The following ERBIN variants were observed in gnomAD, a reference collection of about 807,000 sequenced individuals.
ERBIN encodes the protein erbb2 interacting protein.
Under a neutral mutation model 158.4 loss-of-function variants are expected in ERBIN, and 60 were observed. That is an observed-to-expected ratio of 0.38 (90% CI 0.31 to 0.47). The LOEUF is 0.47. Among genes scored for constraint, ERBIN ranks in the 20% least tolerant of loss-of-function variants. The probability of loss-of-function intolerance (pLI) is 0.99; values close to 1 mark genes in which losing one functional copy is unlikely to be tolerated. For synonymous variants in ERBIN, 594 were observed against 557.2 expected (o/e 1.07, Z -0.93); for missense variants, 1,610 against 1,648.0 (o/e 0.98, Z 0.40).
At chr5:66,077,490 A>AG (rs1762098624) in intron 25 of ERBIN, among the ~76,000 whole-genome samples, 1 of 151,956 alleles carries the variant, frequency 6.6e-6, no homozygotes, top group African/African-American at 2.4e-5. Flanking sequence ...CCAAAAAAAA[A>AG]GGGAGAGAGA....
rs576411729 is a variant in ERBIN, at chr5:66,041,370, T to C, written c.1307-1707T>C. On this transcript the variant is annotated intron_variant, in intron 15 of 25. Coordinates refer to ENST00000284037, the MANE Select transcript of ERBIN (RefSeq NM_001253697.2). ...ACATCAAGGAATTATAAAGTTGTAGTGTTGGGGTGGTGGGCTTATCATCCC... is the reference window on the plus strand; with the variant it reads ...ACATCAAGGAATTATAAAGTTGTAGCGTTGGGGTGGTGGGCTTATCATCCC... Among the ~76,000 whole-genome samples, 355 of 152,024 alleles carry C rather than the reference T, an allele frequency of 2.3e-3. 1 individual carries two copies. Among genetic ancestry groups the C allele is most frequent in the Non-Finnish European group, 3.7e-3 (251 of 67,852 alleles).
chr5:66,043,251 G>C, intron 16 of ERBIN, 53 bp downstream of exon 16: 1 of 1,568,918 alleles, frequency 6.4e-7, no homozygotes, highest in South Asian at 1.1e-5. Flanking sequence ...TGATATTTAA[G>C]TTGGTATTAT....
intron 7 of ERBIN, among the ~76,000 whole-genome samples, chr5:66,019,687 TA>T (rs370166398): frequency 1.3e-5 from 2 of 152,304 alleles, no homozygotes; most frequent in African/African-American, 4.8e-5. Context: ...CACGTTTTCC[TA>T]AAATTGTTTT....
chr5:65,999,156 G>T (rs1272165224), intron 4 of ERBIN, among the ~76,000 whole-genome samples: 2 of 152,068 alleles, frequency 1.3e-5, no homozygotes, highest in Non-Finnish European at 2.9e-5. Context: ...ATTACCTGAG[G>T]TCAGGAGTTT....
intron 20 of ERBIN, among the ~76,000 whole-genome samples, chr5:66,053,113 T>C (rs1254026880): frequency 6.6e-6 from 1 of 152,218 alleles, no homozygotes; most frequent in African/African-American, 2.4e-5. Context: ...ATTTTATTCA[T>C]AGTTCAGCCC....
intron 25 of ERBIN, among the ~76,000 whole-genome samples, chr5:66,077,803 C>A (rs939291891): frequency 1.4e-5 from 2 of 143,520 alleles, no homozygotes; most frequent in Non-Finnish European, 3.0e-5. Context: ...CATACACACA[C>A]ACACACAGTC....
intron 1 of ERBIN, among the ~76,000 whole-genome samples, chr5:65,938,526 C>T (rs907754408): frequency 5.3e-5 from 8 of 151,832 alleles, no homozygotes; most frequent in African/African-American, 1.9e-4. Context: ...TGTGGTCCCA[C>T]TCCGTTGCCC....
chr5:65,927,257 A>G (rs925854497), intron 1 of ERBIN, among the ~76,000 whole-genome samples: 1 of 152,122 alleles, frequency 6.6e-6, no homozygotes, highest in African/African-American at 2.4e-5. Context: ...TACCGATTAT[A>G]TTGGCGCTTG....
chr5:65,927,117 T>C (rs1742750918), intron 1 of ERBIN, among the ~76,000 whole-genome samples: 2 of 152,110 alleles, frequency 1.3e-5, no homozygotes, highest in African/African-American at 4.8e-5. Flanking sequence ...CCAGAAGTTT[T>C]GGCTTTCTGG....
At chr5:66,053,078 A>G (rs1370897878) in intron 20 of ERBIN, among the ~76,000 whole-genome samples, 1 of 151,696 alleles carries the variant, frequency 6.6e-6, no homozygotes, top group Non-Finnish European at 1.5e-5. Flanking sequence ...TAGCACATTC[A>G]TGAAAAGATG....
intron 2 of ERBIN, among the ~76,000 whole-genome samples, chr5:65,992,299 A>G (rs895185258): frequency 3.3e-5 from 5 of 151,766 alleles, no homozygotes; most frequent in African/African-American, 1.2e-4. Context: ...ACAGGTGCCC[A>G]CACCTCGCCC....
intron 1 of ERBIN, among the ~76,000 whole-genome samples, chr5:65,942,735 G>A (rs1745210379): frequency 6.6e-6 from 1 of 152,096 alleles, no homozygotes; most frequent in African/African-American, 2.4e-5. Context: ...GACCAGCTTG[G>A]CCAACATGGT....
At chr5:65,991,994 A>G (rs764498908) in intron 2 of ERBIN, among the ~76,000 whole-genome samples, 23 of 152,148 alleles carry the variant, frequency 1.5e-4, no homozygotes, top group Non-Finnish European at 3.4e-4. Context: ...AGACCTGAAA[A>G]TATCTTCGCA....
chr5:65,940,956 A>G (rs1056988782), intron 1 of ERBIN, among the ~76,000 whole-genome samples: 2 of 152,154 alleles, frequency 1.3e-5, no homozygotes, highest in African/African-American at 4.8e-5. Flanking sequence ...GAGACTTTTC[A>G]TTTTGTTCTG....
At chr5:66,065,590 CCTGTGTGTGTGTGTGTGT>C (rs1473364664) in intron 21 of ERBIN, among the ~76,000 whole-genome samples, 2 of 109,394 alleles carry the variant, frequency 1.8e-5, no homozygotes, top group East Asian at 2.8e-4. Context: ...TTAATTTTGA[CCTGTGTGTGTGTGTGTGT>C]GTGTGTGTGT....
At chr5:66,010,420 C>T (rs1008835921) in intron 4 of ERBIN, among the ~76,000 whole-genome samples, 1 of 152,152 alleles carries the variant, frequency 6.6e-6, no homozygotes, top group Non-Finnish European at 1.5e-5. Flanking sequence ...TGTCAGATTT[C>T]TCTACTGTGA....
chr5:66,075,714 T>C (rs1027364395), intron 23 of ERBIN, among the ~76,000 whole-genome samples: 2 of 152,210 alleles, frequency 1.3e-5, no homozygotes, highest in Non-Finnish European at 2.9e-5. Flanking sequence ...GATCAAATGC[T>C]TTATTCATTT....
intron 21 of ERBIN, among the ~76,000 whole-genome samples, chr5:66,058,744 T>A (rs1222509034): frequency 6.7e-6 from 1 of 148,984 alleles, no homozygotes; most frequent in African/African-American, 2.6e-5. Flanking sequence ...AGTTTCAGCT[T>A]TCTCCATATG....
chr5:66,064,888 CAG>C (rs1023611729), intron 21 of ERBIN, among the ~76,000 whole-genome samples: 1 of 152,120 alleles, frequency 6.6e-6, no homozygotes, highest in African/African-American at 2.4e-5. Context: ...TAAATAGAGA[CAG>C]GGTCTCACTA....
Sources: gnomAD v4.1 joint callset for allele counts (sites outside exome capture counted in the v4.1 genomes callset) on GRCh38, gnomAD v4.1.1 for gene constraint, MANE v1.5 for transcripts, NCBI Gene and HGNC (gene_info 2026-07-23, HGNC 2026-07-21) for gene names.